Variants in FHIT observed in about 807,000 individuals in gnomAD.
FHIT encodes bis(5'-adenosyl)-triphosphatase.
Under a neutral mutation model 17.9 loss-of-function variants are expected in FHIT, and 19 were observed. The observed-to-expected ratio is 1.06, with a 90% CI of 0.74 to 1.56. FHIT has a LOEUF of 1.56. FHIT is among the 40% of genes most tolerant of loss of function. The pLI is 0.00. For missense variants in FHIT, 248 were observed against 189.2 expected (o/e 1.31, Z -1.82); for synonymous variants, 81 against 69.7 (o/e 1.16, Z -0.81).
chr3:59,991,760 A>C (rs1709244944), intron 7 of FHIT, among the ~76,000 whole-genome samples: 1 of 151,970 alleles, frequency 6.6e-6, no homozygotes, highest in Non-Finnish European at 1.5e-5. Context: ...TCCTCTTCAC[A>C]CAGCCATATG....
intron 8 of FHIT, among the ~76,000 whole-genome samples, chr3:59,871,751 G>A (rs1269380587): frequency 6.6e-6 from 1 of 152,178 alleles, no homozygotes; most frequent in Admixed American, 6.5e-5. Context: ...TTCCAATCCA[G>A]GTAGCCTAAT....
chr3:60,657,108 C>T lies in FHIT; in HGVS notation c.-17-120129G>A, dbSNP rs782610223. On this transcript the variant is annotated intron_variant, in intron 4 of 9. Coordinates refer to ENST00000492590, the MANE Select transcript of FHIT (RefSeq NM_002012.4). ...TTATAACATACATGCAACCATGCCACGGGAGGATATGAAATGTAGCTCATG... is the reference window on the plus strand; with the variant it reads ...TTATAACATACATGCAACCATGCCATGGGAGGATATGAAATGTAGCTCATG... 5.3e-5 allele frequency among the ~76,000 whole-genome samples: 8 copies of T among 152,128 alleles called. No homozygotes were observed. The East Asian group carries it at 7.7e-4, about 15-fold the overall frequency.
chr3:60,502,000 G>C lies in FHIT; in HGVS notation c.103+34860C>G, dbSNP rs111476672. 1.9e-3 allele frequency among the ~76,000 whole-genome samples: 285 copies of C among 152,304 alleles called. 4 individuals are homozygous for C. The highest frequency in any genetic ancestry group is 6.6e-3 in the African/African-American group (274 of 41,554). ...ATGATACAATGACCCATGACTGAGA[G>C]ACCGACGAGTAGACATGCAACAAGA... On this transcript the variant is annotated intron_variant, in intron 5 of 9. Transcript: ENST00000492590.
chr3:60,187,482 C>T (rs55646596), intron 5 of FHIT, among the ~76,000 whole-genome samples: 1,702 of 152,190 alleles, frequency 0.011, 31 homozygotes, highest in African/African-American at 0.04. Flanking sequence ...CTGTGAAACA[C>T]GCAATGTAAA....
chr3:60,077,010 CTATT>C (rs1703037733), intron 5 of FHIT, among the ~76,000 whole-genome samples: 1 of 151,996 alleles, frequency 6.6e-6, no homozygotes, highest in Non-Finnish European at 1.5e-5. Flanking sequence ...TGCTAATAAT[CTATT>C]TATAAGAAAT....
intron 7 of FHIT, among the ~76,000 whole-genome samples, chr3:60,002,169 G>A (rs1420473829): frequency 6.6e-6 from 1 of 152,106 alleles, no homozygotes; most frequent in Non-Finnish European, 1.5e-5. Flanking sequence ...CAGGAACCAG[G>A]AAGACTTGTT....
In FHIT at chr3:60,955,603, T is replaced by TAC. The variant is rs1397544900; in HGVS notation, c.-111+86443_-111+86444insGT. 3.4e-4 allele frequency among the ~76,000 whole-genome samples: 3 copies of TAC among 8,934 alleles called. 1 individual carries two copies. The highest frequency in any genetic ancestry group is 0.022 in the South Asian group (2 of 90). 5.9% of individuals were successfully genotyped at this position (8,934 alleles called of 152,430 possible). On this transcript the variant is annotated intron_variant, in intron 3 of 9. Coordinates refer to ENST00000492590, the MANE Select transcript of FHIT (RefSeq NM_002012.4). ...CTGCTTAGGCATATATATACATATA[T>TAC]ATATATATATATATATATATATATA...
In FHIT at chr3:60,357,633, C is replaced by G. The variant is rs541696624; in HGVS notation, c.103+179227G>C. On this transcript the variant is annotated intron_variant, in intron 5 of 9. Transcript: ENST00000492590. The stretch of plus-strand genomic sequence containing the variant: ...TACTTAAGGATCAATTGACATCAAC[C>G]CTAACTCAAAGCCAGGAAGCTTAAT... 9.9e-5 allele frequency among the ~76,000 whole-genome samples: 15 copies of G among 152,242 alleles called. No individual in the cohort carries two copies. The South Asian group carries it at 3.1e-3, about 32-fold the overall frequency.
intron 4 of FHIT, among the ~76,000 whole-genome samples, chr3:60,612,361 G>A (rs1348296174): frequency 6.6e-6 from 1 of 151,892 alleles, no homozygotes; most frequent in African/African-American, 2.4e-5. Context: ...ATCTATTATA[G>A]AAGCTAAAGG....
chr3:60,258,685 C>T (rs144298196), intron 5 of FHIT, among the ~76,000 whole-genome samples: 51 of 152,158 alleles, frequency 3.4e-4, no homozygotes, highest in African/African-American at 9.4e-4. Flanking sequence ...ATGAATTTTA[C>T]GTGACATGGG....
At chr3:60,655,291 T>C (rs999816801) in intron 4 of FHIT, among the ~76,000 whole-genome samples, 10 of 152,162 alleles carry the variant, frequency 6.6e-5, no homozygotes, top group African/African-American at 2.4e-4. Flanking sequence ...CCATTTGATT[T>C]TTAACTACGT....
At chr3:60,036,640 A>C (rs1268523395) in intron 5 of FHIT, among the ~76,000 whole-genome samples, 1 of 152,168 alleles carries the variant, frequency 6.6e-6, no homozygotes, top group Non-Finnish European at 1.5e-5. Context: ...AAACCAACAA[A>C]TGTTTTCATT....
rs144695527 is a variant in FHIT at position 61,054,238 on chromosome 3, C to G, written c.-163-12139G>C. 3.1e-3 allele frequency among the ~76,000 whole-genome samples: 468 copies of G among 152,268 alleles called. 3 individuals are homozygous for G. The highest frequency in any genetic ancestry group is 0.011 in the African/African-American group (451 of 41,554). ...ACTGGAACTGTATTTCCCATTAGCT[C>G]TAATGGAGGTTGTGCTAATAAATTC... is the stretch of plus-strand genomic sequence containing the variant. On this transcript the variant is annotated intron_variant, in intron 2 of 9. Coordinates refer to ENST00000492590, the MANE Select transcript of FHIT (RefSeq NM_002012.4).
chr3:60,690,385 A>G (rs2040958641), intron 4 of FHIT: 2 of 577,658 alleles, frequency 3.5e-6, no homozygotes, highest in Admixed American at 1.9e-5. Flanking sequence ...GCACATGAAA[A>G]ACTGGGAACC....
chr3:61,044,632 C>T (rs143027003), intron 2 of FHIT, among the ~76,000 whole-genome samples: 7,267 of 152,086 alleles, frequency 0.048, 201 homozygotes, highest in African/African-American at 0.056. Context: ...AATACAGAGA[C>T]GCCACAAAGA....
intron 5 of FHIT, among the ~76,000 whole-genome samples, chr3:60,187,983 GT>G (rs899016026): frequency 1.3e-5 from 2 of 151,988 alleles, no homozygotes; most frequent in African/African-American, 2.4e-5. Flanking sequence ...AAAAGGCAAG[GT>G]TTATCAAAGT....
chr3:60,029,897 C>CTGTGTGTGTCTGTGTGTGTGTGTCTGTG (rs1354637337), intron 5 of FHIT, among the ~76,000 whole-genome samples: 1 of 127,822 alleles, frequency 7.8e-6, no homozygotes, highest in African/African-American at 3.3e-5. Context: ...GTGTGTGTGT[C>CTGTGTGTGTCTGTGTGTGTGTGTCTGTG]TGTGTGTGTG....
At chr3:60,088,594 G>A (rs983827277) in intron 5 of FHIT, among the ~76,000 whole-genome samples, 8 of 152,114 alleles carry the variant, frequency 5.3e-5, no homozygotes, top group Non-Finnish European at 2.9e-5. Flanking sequence ...ACAATCAGAG[G>A]AGAACATTCC....
intron 7 of FHIT, among the ~76,000 whole-genome samples, chr3:59,963,805 A>G (rs1382595838): frequency 6.6e-6 from 1 of 152,252 alleles, no homozygotes. Context: ...TATCTTTAAA[A>G]TAGCGTGTGA....
Sources: allele counts gnomAD v4.1 joint callset (sites outside exome capture counted in the v4.1 genomes callset), GRCh38; gene constraint gnomAD v4.1.1; transcripts MANE v1.5; gene names NCBI Gene and HGNC (gene_info 2026-07-23, HGNC 2026-07-21).